Variants in TSEN2 observed in about 807,000 individuals in gnomAD.
TSEN2 encodes tRNA-splicing endonuclease subunit Sen2.
A neutral mutation model predicts 59.2 loss-of-function variants in TSEN2; 54 were observed. The observed-to-expected ratio is 0.91, with a 90% CI of 0.73 to 1.14. TSEN2 has a LOEUF of 1.14. Among genes scored for constraint, TSEN2 ranks in the 50% most tolerant of loss-of-function variants. The pLI, the probability that TSEN2 is intolerant of heterozygous loss-of-function variation, is 0.00. For synonymous variants in TSEN2, 195 were observed against 198.2 expected (o/e 0.98, Z 0.14); for missense variants, 636 against 576.2 (o/e 1.10, Z -1.06).
upstream of TSEN2, among the ~76,000 whole-genome samples, chr3:12,483,402 A>T (rs1192430549): frequency 6.6e-6 from 1 of 152,220 alleles, no homozygotes; most frequent in Non-Finnish European, 1.5e-5. Flanking sequence ...AAAAAGGGCC[A>T]GAAAAACAGG....
At chr3:12,492,981 C>T (rs2053375984) in intron 3 of TSEN2, among the ~76,000 whole-genome samples, 1 of 152,140 alleles carries the variant, frequency 6.6e-6, no homozygotes, top group Non-Finnish European at 1.5e-5. Context: ...TGTTTTCTGT[C>T]TATGAATTTA....
chr3:12,527,402 A>G (rs545120711), intron 8 of TSEN2, among the ~76,000 whole-genome samples: 2 of 149,856 alleles, frequency 1.3e-5, no homozygotes, highest in East Asian at 2.0e-4. Context: ...GGAAAATTCT[A>G]TCCATTCCTC....
intron 6 of TSEN2, chr3:12,506,621 C>A: frequency 3.8e-5 from 31 of 809,512 alleles, no homozygotes; most frequent in East Asian, 2.5e-4. Flanking sequence ...CTTCCATAAA[C>A]TGCATCATAT....
downstream of TSEN2, among the ~76,000 whole-genome samples, chr3:12,536,992 A>G (rs1207485060): frequency 3.6e-5 from 5 of 139,098 alleles, no homozygotes; most frequent in South Asian, 2.1e-4. Flanking sequence ...CAACAAGAGC[A>G]AAACTCCGTC....
At chr3:12,516,451 TGTGTG>T (rs2056125744) in intron 6 of TSEN2, among the ~76,000 whole-genome samples, 155 bp from the exon 7 acceptor site, 1 of 36,452 alleles carries the variant, frequency 2.7e-5, no homozygotes, top group Non-Finnish European at 6.3e-5. Context: ...AATATATGTG[TGTGTG>T]TGTGTGTGTG....
At chr3:12,527,579 AGAG>A (rs2057190577) in intron 8 of TSEN2, among the ~76,000 whole-genome samples, 1 of 151,846 alleles carries the variant, frequency 6.6e-6, no homozygotes, top group Non-Finnish European at 1.5e-5. Flanking sequence ...GTTTTAGCAC[AGAG>A]GACAGCTAAC....
intron 10 of TSEN2, chr3:12,530,542 T>A (rs1328170044): frequency 2.0e-6 from 2 of 985,358 alleles, no homozygotes; most frequent in Non-Finnish European, 2.4e-6. Flanking sequence ...ACTCAGTGAT[T>A]TGCTGGCTGA....
chr3:12,498,580 A>G (rs985574672), intron 4 of TSEN2, among the ~76,000 whole-genome samples: 3 of 152,206 alleles, frequency 2.0e-5, no homozygotes, highest in East Asian at 1.9e-4. Context: ...TTTGCCGTCA[A>G]TTTGCATTGA....
chr3:12,503,873 A>G, intron 5 of TSEN2, 89 bp downstream of exon 5: 2 of 1,513,622 alleles, frequency 1.3e-6, no homozygotes, highest in Non-Finnish European at 1.8e-6. Context: ...TGCAGCTGGT[A>G]GCTGGCCTGT....
intron 6 of TSEN2, 65 bp from the exon 7 acceptor site, chr3:12,516,546 T>C: frequency 1.3e-6 from 2 of 1,536,914 alleles, no homozygotes; most frequent in Non-Finnish European, 9.0e-7. Context: ...GATCAGTCTG[T>C]AAAATGGTTT....
chr3:12,529,012 CAA>C, intron 9 of TSEN2, 88 bp downstream of exon 9: 1 of 1,360,262 alleles, frequency 7.4e-7, no homozygotes. Flanking sequence ...GCCATAGGAA[CAA>C]AAGTCATGTT....
intron 3 of TSEN2, among the ~76,000 whole-genome samples, chr3:12,495,241 T>C (rs1201990841): frequency 6.6e-6 from 1 of 151,754 alleles, no homozygotes; most frequent in Non-Finnish European, 1.5e-5. Context: ...TGAGAAATTA[T>C]TTTGAGTAAC....
intron 6 of TSEN2, among the ~76,000 whole-genome samples, chr3:12,513,908 G>A (rs958791245): frequency 2.6e-5 from 4 of 152,246 alleles, no homozygotes; most frequent in Non-Finnish European, 4.4e-5. Flanking sequence ...GTGAGGTGCA[G>A]AGACCTGCTG....
Position 12,529,743 on chromosome 3 carries a change from C to CT in TSEN2, c.1137-14dup, listed in dbSNP as rs2057340367. On this transcript the variant is annotated intron_variant, in intron 9 of 11. Transcript: ENST00000284995. Reference sequence around the variant, plus strand: ...TTATTTCATGATTACTTTTAACATGCTTTTTCTGTATTTTCCAGTTATTCT... The same window carrying CT: ...TTATTTCATGATTACTTTTAACATGCTTTTTTCTGTATTTTCCAGTTATTCT... 6.2e-7 allele frequency: 1 copy of CT among 1,609,122 alleles called. No homozygotes were observed. Among genetic ancestry groups the CT allele is most frequent in the Non-Finnish European group, 8.5e-7 (1 of 1,175,618 alleles).
chr3:12,535,353 T>C (rs377514151), downstream of TSEN2, among the ~76,000 whole-genome samples: 6 of 152,348 alleles, frequency 3.9e-5, no homozygotes, highest in Admixed American at 3.9e-4. Context: ...GTCTATCTAA[T>C]TTTGTGAAAT....
At position 12,529,728 on chromosome 3, in the gene TSEN2, A is replaced by G. The variant is rs957505666; in HGVS notation, c.1137-34A>G. On this transcript the variant is annotated intron_variant, in intron 9 of 11. Transcript: ENST00000284995. ...TCTTTTTAAACAGATTTATTTCATGATTACTTTTAACATGCTTTTTCTGTA... is the reference window on the plus strand; with the variant it reads ...TCTTTTTAAACAGATTTATTTCATGGTTACTTTTAACATGCTTTTTCTGTA... 12 of 1,581,470 alleles carry G rather than the reference A, an allele frequency of 7.6e-6. No homozygotes were observed. The African/African-American group carries it at 9.4e-5, about 12-fold the overall frequency.
chr3:12,534,434 T>G (rs187969060), downstream of TSEN2, among the ~76,000 whole-genome samples: 69 of 152,324 alleles, frequency 4.5e-4, no homozygotes, highest in Admixed American at 4.4e-3. Flanking sequence ...TGGTGTGCCT[T>G]GGGCAGTTTA....
chr3:12,518,858 G>A (rs1559341080), intron 7 of TSEN2, among the ~76,000 whole-genome samples: 1 of 151,944 alleles, frequency 6.6e-6, no homozygotes, highest in African/African-American at 2.4e-5. Flanking sequence ...GGAGTGAACC[G>A]AGATCACGCC....
At chr3:12,482,480 C>G (rs1291546666), upstream of TSEN2, among the ~76,000 whole-genome samples, 1 of 152,188 alleles carries the variant, frequency 6.6e-6, no homozygotes, top group Non-Finnish European at 1.5e-5. Flanking sequence ...TGAAAATAAC[C>G]ATATCAAAGG....
Sources: gnomAD v4.1 joint callset for allele counts (sites outside exome capture counted in the v4.1 genomes callset) on GRCh38, gnomAD v4.1.1 for gene constraint, MANE v1.5 for transcripts, NCBI Gene and HGNC (gene_info 2026-07-23, HGNC 2026-07-21) for gene names.